TNFAIP8: variants seen among roughly 807,000 people sequenced by gnomAD.
The protein encoded by TNFAIP8 is TNF alpha induced protein 8, also known as tumor necrosis factor alpha-induced protein 8.
A neutral mutation model predicts 13.3 loss-of-function variants in TNFAIP8; 7 were observed. The ratio of observed to expected loss-of-function variants is 0.52; its 90% CI spans 0.30 to 0.99. The LOEUF is 0.99. TNFAIP8 is among the 50% of genes least tolerant of loss of function. TNFAIP8 has a pLI of 0.07. For missense variants in TNFAIP8, 258 were observed against 236.9 expected (o/e 1.09, Z -0.58); for synonymous variants, 94 against 87.6 (o/e 1.07, Z -0.41).
intron 1 of TNFAIP8, among the ~76,000 whole-genome samples, chr5:119,322,285 C>T (rs940542762): frequency 2.0e-5 from 3 of 152,226 alleles, no homozygotes; most frequent in African/African-American, 7.2e-5. Context: ...CAGCAGTGCT[C>T]ACACGCAGTA....
At chr5:119,374,296 A>G (rs1262955348) in intron 1 of TNFAIP8, among the ~76,000 whole-genome samples, 1 of 152,108 alleles carries the variant, frequency 6.6e-6, no homozygotes, top group African/African-American at 2.4e-5. Flanking sequence ...ATTTTGTTTT[A>G]GTGAGTGCCA....
At chr5:119,336,155 T>C (rs1406412057) in intron 1 of TNFAIP8, among the ~76,000 whole-genome samples, 2 of 152,188 alleles carry the variant, frequency 1.3e-5, no homozygotes, top group African/African-American at 4.8e-5. Flanking sequence ...TGGACAGTTA[T>C]AATGAATTTG....
At chr5:119,302,429 C>G (rs1397730266) in intron 1 of TNFAIP8, among the ~76,000 whole-genome samples, 1 of 152,136 alleles carries the variant, frequency 6.6e-6, no homozygotes, top group African/African-American at 2.4e-5. Context: ...TTCTCCTCTG[C>G]TTCTAGTATG....
intron 1 of TNFAIP8, among the ~76,000 whole-genome samples, chr5:119,289,454 C>G (rs538173695): frequency 6.6e-6 from 1 of 152,308 alleles, no homozygotes; most frequent in South Asian, 2.1e-4. Context: ...GCCATAACTT[C>G]AAGAGAAGAC....
intron 1 of TNFAIP8, among the ~76,000 whole-genome samples, chr5:119,373,580 G>T (rs780848769): frequency 6.6e-5 from 10 of 152,288 alleles, no homozygotes; most frequent in South Asian, 2.1e-4. Flanking sequence ...ATTACATGGG[G>T]GTTAGAGAGG....
chr5:119,306,603 G>A (rs1372124081), intron 1 of TNFAIP8: 2 of 151,934 alleles, frequency 1.3e-5, no homozygotes, highest in Non-Finnish European at 2.9e-5. Flanking sequence ...AAGTAGCTGG[G>A]ACTATGGGCA....
intron 1 of TNFAIP8, among the ~76,000 whole-genome samples, chr5:119,336,503 A>C (rs1374785175): frequency 6.6e-6 from 1 of 150,502 alleles, no homozygotes; most frequent in East Asian, 1.9e-4. Context: ...CTCATAACAA[A>C]CACAGAAAGC....
intron 1 of TNFAIP8, among the ~76,000 whole-genome samples, chr5:119,322,134 A>G (rs1164644198): frequency 6.6e-6 from 1 of 152,182 alleles, no homozygotes; most frequent in African/African-American, 2.4e-5. Flanking sequence ...AAGCCTATCC[A>G]AAATGCTCCT....
intron 1 of TNFAIP8, among the ~76,000 whole-genome samples, chr5:119,317,414 T>C (rs1749931116): frequency 6.6e-6 from 1 of 152,062 alleles, no homozygotes; most frequent in Non-Finnish European, 1.5e-5. Flanking sequence ...TGATTCTATG[T>C]GCTGTAGAGA....
At chr5:119,374,262 G>A (rs879573011) in intron 1 of TNFAIP8, among the ~76,000 whole-genome samples, 1 of 151,866 alleles carries the variant, frequency 6.6e-6, no homozygotes, top group Non-Finnish European at 1.5e-5. Flanking sequence ...CCAAAAATTT[G>A]AAATCTGAAA....
intron 1 of TNFAIP8, among the ~76,000 whole-genome samples, chr5:119,376,057 T>C (rs1268711019): frequency 6.6e-6 from 1 of 152,100 alleles, no homozygotes; most frequent in African/African-American, 2.4e-5. Flanking sequence ...GAATAAACAC[T>C]TTCCACCCAA....
intron 1 of TNFAIP8, among the ~76,000 whole-genome samples, chr5:119,272,651 G>A (rs1748324340): frequency 6.6e-6 from 1 of 152,200 alleles, no homozygotes; most frequent in Admixed American, 6.5e-5. Flanking sequence ...GTTTGAAAAT[G>A]TCACAGGCTC....
intron 1 of TNFAIP8, among the ~76,000 whole-genome samples, chr5:119,295,659 C>T (rs1360428799): frequency 1.3e-5 from 2 of 152,134 alleles, no homozygotes; most frequent in Non-Finnish European, 1.5e-5. Flanking sequence ...TTTTCCAATT[C>T]TGTGAAGAAA....
At position 119,294,388 on chromosome 5, in the gene TNFAIP8, A is replaced by G. The variant is rs377407832; in HGVS notation, c.1+25481A>G. Among the ~76,000 whole-genome samples, 1,293 of 152,212 alleles carry G rather than the reference A, an allele frequency of 8.5e-3. 19 individuals carry two copies. Among genetic ancestry groups the G allele is most frequent in the South Asian group, 0.05 (243 of 4,826 alleles). On this transcript the variant is annotated intron_variant, in intron 1 of 1. Coordinates refer to the TNFAIP8 transcript ENST00000274456. Reference sequence around the variant, plus strand: ...AAAGAACATGAACTCATCATTTTTTATGGCTGCATAGTATTCCCTGGTGTA... The same window carrying G: ...AAAGAACATGAACTCATCATTTTTTGTGGCTGCATAGTATTCCCTGGTGTA...
At position 119,393,120 on chromosome 5, in the gene TNFAIP8, C is replaced by A; in HGVS notation, c.336C>A (p.Thr112=). ...FKKKVHQLAM[T]VVSFHQVDYT... ...AGAAAGTTCATCAGCTTGCTATGAC[C>A]GTGGTCAGTTTCCATCAGGTGGATT... The change falls in exon 2 of 2, where the codon ACC becomes ACA. Residue 112 remains threonine (T), a synonymous_variant. Transcript: ENST00000504771. 6.2e-7 allele frequency: 1 copy of A among 1,613,922 alleles called. No homozygotes were observed. Among genetic ancestry groups the A allele is most frequent in the Non-Finnish European group, 8.5e-7 (1 of 1,179,856 alleles).
intron 1 of TNFAIP8, among the ~76,000 whole-genome samples, chr5:119,387,345 C>T (rs548156461): frequency 6.6e-6 from 1 of 152,272 alleles, no homozygotes; most frequent in African/African-American, 2.4e-5. Flanking sequence ...ACATGCTTTC[C>T]AAATTATTAT....
intron 1 of TNFAIP8, among the ~76,000 whole-genome samples, chr5:119,315,328 C>T (rs1749856439): frequency 1.3e-5 from 2 of 152,208 alleles, no homozygotes; most frequent in South Asian, 4.1e-4. Flanking sequence ...AAATGATCCA[C>T]CTATCTTGGC....
chr5:119,365,097 C>T (rs542148212), intron 1 of TNFAIP8, among the ~76,000 whole-genome samples: 4 of 152,148 alleles, frequency 2.6e-5, no homozygotes, highest in African/African-American at 9.6e-5. Flanking sequence ...GGTGATCCTC[C>T]TGCCTTGGCC....
rs139796418 is a variant in TNFAIP8 at position 119,288,504 on chromosome 5, T to A, written c.1+19597T>A. On this transcript the variant is annotated intron_variant, in intron 1 of 1. Transcript: ENST00000274456. ...AGGTCTTGAGCCACTGGAAAAAAGT[T>A]TTCTTTAATTAAATACACATCTTTA... 2.4e-4 allele frequency among the ~76,000 whole-genome samples: 37 copies of A among 152,358 alleles called. 1 individual carries two copies. The highest frequency in any genetic ancestry group is 8.4e-4 in the African/African-American group (35 of 41,580).
Sources: allele counts gnomAD v4.1 joint callset (sites outside exome capture counted in the v4.1 genomes callset), GRCh38; gene constraint gnomAD v4.1.1; transcripts MANE v1.5; gene names NCBI Gene and HGNC (gene_info 2026-07-23, HGNC 2026-07-21).